Variants in PXDN observed in about 807,000 individuals in gnomAD.
The protein encoded by PXDN is peroxidasin.
In PXDN, 77 loss-of-function variants were observed where a neutral mutation model predicts 140.3. The ratio of observed to expected loss-of-function variants is 0.55; its 90% CI spans 0.46 to 0.66. The LOEUF (loss-of-function observed/expected upper bound fraction) is 0.66. PXDN is among the 30% of genes least tolerant of loss of function. The pLI is 0.00. For synonymous variants in PXDN, 911 were observed against 857.4 expected (o/e 1.06, Z -1.09); for missense variants, 1,838 against 2,039.5 (o/e 0.90, Z 1.90).
intron 1 of PXDN, among the ~76,000 whole-genome samples, chr2:1,722,586 G>A (rs1444589171): frequency 1.3e-5 from 2 of 152,194 alleles, no homozygotes; most frequent in Admixed American, 1.3e-4. Flanking sequence ...CAGCAAAGGA[G>A]GCTTCTCTAA....
At chr2:1,732,271 A>C (rs368088427) in intron 1 of PXDN, among the ~76,000 whole-genome samples, 75 of 152,264 alleles carry the variant, frequency 4.9e-4, no homozygotes, top group African/African-American at 1.7e-3. Flanking sequence ...CAGGACAGAG[A>C]TGGGACGCCT....
At chr2:1,719,241 C>T (rs1437312680) in intron 1 of PXDN, among the ~76,000 whole-genome samples, 1 of 152,186 alleles carries the variant, frequency 6.6e-6, no homozygotes, top group Non-Finnish European at 1.5e-5. Context: ...CACCCACCTT[C>T]ACCCCTCAGC....
chr2:1,725,407 A>G (rs911864490), intron 1 of PXDN, among the ~76,000 whole-genome samples: 8 of 151,986 alleles, frequency 5.3e-5, no homozygotes, highest in African/African-American at 1.9e-4. Flanking sequence ...CCTTCCTTAC[A>G]CCTTATACAA....
At chr2:1,682,957 T>A (rs1683949534) in intron 6 of PXDN, among the ~76,000 whole-genome samples, 2 of 152,082 alleles carry the variant, frequency 1.3e-5, no homozygotes, top group South Asian at 4.1e-4. Context: ...AGGGTAAAGA[T>A]CAGCCTCCTT....
chr2:1,659,024 G>A (rs2125421366), intron 14 of PXDN, among the ~76,000 whole-genome samples: 1 of 152,266 alleles, frequency 6.6e-6, no homozygotes, highest in East Asian at 1.9e-4. Flanking sequence ...CGAGTGCCTG[G>A]CACACCTGGC....
intron 1 of PXDN, among the ~76,000 whole-genome samples, chr2:1,719,795 A>G (rs1684974187): frequency 6.6e-6 from 1 of 151,734 alleles, no homozygotes; most frequent in Non-Finnish European, 1.5e-5. Context: ...AGGGTTCTCC[A>G]GAGAAATGGA....
intron 1 of PXDN, among the ~76,000 whole-genome samples, chr2:1,719,958 GAGGGAGATGCAC>G (rs1684986710): frequency 2.6e-5 from 3 of 114,912 alleles, no homozygotes; most frequent in Admixed American, 8.7e-5. Context: ...GATGCAGAGA[GAGGGAGATGCAC>G]AGAGAGAGGG....
chr2:1,678,823 T>G (rs2125438994), intron 7 of PXDN, among the ~76,000 whole-genome samples: 1 of 152,210 alleles, frequency 6.6e-6, no homozygotes, highest in East Asian at 1.9e-4. Context: ...GGGCGGAGTC[T>G]GGGTCCGGGG....
At chr2:1,707,780 G>C (rs1180403730) in intron 1 of PXDN, among the ~76,000 whole-genome samples, 3 of 151,914 alleles carry the variant, frequency 2.0e-5, no homozygotes, top group Admixed American at 6.5e-5. Context: ...CCAAGGTGCC[G>C]AAAGCGACGA....
chr2:1,731,427 C>T (rs1276728675), intron 1 of PXDN, among the ~76,000 whole-genome samples: 2 of 152,130 alleles, frequency 1.3e-5, no homozygotes, highest in African/African-American at 4.8e-5. Context: ...GCAGAAACAG[C>T]GCATCAGCTC....
Position 1,712,793 on chromosome 2 carries a change from C to T in PXDN, c.201-19659G>A, listed in dbSNP as rs1364043880. On this transcript the variant is annotated intron_variant, in intron 1 of 22. Transcript: ENST00000252804. ...AGGCTGGAGTGCAGTGGTGCAATCTCGGCTCCCTGCAACCTCCGCCTCCAA... is the reference window on the plus strand; with the variant it reads ...AGGCTGGAGTGCAGTGGTGCAATCTTGGCTCCCTGCAACCTCCGCCTCCAA... Among the ~76,000 whole-genome samples the T allele has an allele frequency of 5.3e-5, 8 of 152,220 alleles. No homozygotes were observed. The South Asian group carries it at 1.5e-3, about 28-fold the overall frequency.
chr2:1,684,182 C>G (rs778119166), intron 4 of PXDN, 31 bp from the exon 5 acceptor site: 7 of 1,526,734 alleles, frequency 4.6e-6, no homozygotes, highest in Non-Finnish European at 5.3e-6. Flanking sequence ...AAAAGTATAA[C>G]TTACAATTTA....
At chr2:1,654,354 A>G (rs780609687) in intron 15 of PXDN, 46 bp downstream of exon 15, 7 of 1,392,890 alleles carry the variant, frequency 5.0e-6, no homozygotes, top group Non-Finnish European at 5.1e-6. Flanking sequence ...CCTTCACCCT[A>G]AAGCTCAGTG....
intron 11 of PXDN, 60 bp from the exon 12 acceptor site, chr2:1,663,823 A>C: frequency 1.3e-6 from 2 of 1,576,038 alleles, no homozygotes; most frequent in Non-Finnish European, 1.7e-6. Flanking sequence ...TCCTGCTCTC[A>C]GACTGACAGC....
chr2:1,720,158 G>A (rs868482126), intron 1 of PXDN, among the ~76,000 whole-genome samples: 8 of 64,458 alleles, frequency 1.2e-4, no homozygotes, highest in African/African-American at 5.7e-4. Flanking sequence ...AGAGAGAGAG[G>A]GAGGGAGGGA....
chr2:1,702,291 A>G (rs958430514), intron 1 of PXDN, among the ~76,000 whole-genome samples: 2 of 152,136 alleles, frequency 1.3e-5, no homozygotes, highest in Non-Finnish European at 2.9e-5. Context: ...TCCCCCTGCC[A>G]GGTGCCACCC....
At position 1,714,103 on chromosome 2, in the gene PXDN, A is replaced by G. The variant is rs1329664109; in HGVS notation, c.201-20969T>C. On this transcript the variant is annotated intron_variant, in intron 1 of 22. Coordinates refer to ENST00000252804, the MANE Select transcript of PXDN (RefSeq NM_012293.3). The surrounding 1 kb of genome is among the most constrained non-coding windows in gnomAD (Gnocchi z 4.3). ...CGGATAAACAGCTTCAAGAAAGCGC[A>G]TCCGTCACCTTTGGTGACTTCCCCG... Among the ~76,000 whole-genome samples the G allele has an allele frequency of 1.3e-5, 2 of 152,178 alleles. No homozygotes were observed. The highest frequency in any genetic ancestry group is 2.1e-4 in the South Asian group (1 of 4,828).
At chr2:1,744,559 G>T (rs1456806744), upstream of PXDN, 5 of 992,812 alleles carry the variant, frequency 5.0e-6, no homozygotes, top group East Asian at 1.9e-4. Context: ...CGCGGGGGGC[G>T]GGGGGCGCCA....
chr2:1,696,212 AT>A (rs1426270829), intron 1 of PXDN, among the ~76,000 whole-genome samples: 5 of 152,232 alleles, frequency 3.3e-5, no homozygotes, highest in Non-Finnish European at 7.3e-5. Context: ...TTAACTGTTT[AT>A]TTCTAGTTTT....
Sources: allele counts gnomAD v4.1 joint callset (sites outside exome capture counted in the v4.1 genomes callset), GRCh38; gene constraint gnomAD v4.1.1; non-coding constraint Gnocchi (gnomAD v3.1); transcripts MANE v1.5; gene names NCBI Gene and HGNC (gene_info 2026-07-23, HGNC 2026-07-21).